MPHOSPH8: variants seen among roughly 807,000 people sequenced by gnomAD.
The protein encoded by MPHOSPH8 is M-phase phosphoprotein 8, also known as M-phase phosphoprotein, mpp.
MPHOSPH8 carries 45 observed loss-of-function variants against 87.3 expected under a neutral mutation model. That is an observed-to-expected ratio of 0.52 (90% CI 0.41 to 0.66). The LOEUF is 0.66. MPHOSPH8 is among the 30% of genes least tolerant of loss of function. The pLI, the probability that MPHOSPH8 is intolerant of heterozygous loss-of-function variation, is 0.00. For missense variants in MPHOSPH8, 883 were observed against 1,020.2 expected, an observed-to-expected ratio of 0.87 and a Z score of 1.83; for synonymous variants, 366 against 376.9, an observed-to-expected ratio of 0.97 and a Z score of 0.33.
chr13:19,658,625 A>C (rs1183537321), intron 5 of MPHOSPH8, among the ~76,000 whole-genome samples: 1 of 152,234 alleles, frequency 6.6e-6, no homozygotes, highest in Non-Finnish European at 1.5e-5. Context: ...GGTTGGAAGC[A>C]GTGTATGTCC....
chr13:19,639,943 A>G (rs965175882), intron 1 of MPHOSPH8, among the ~76,000 whole-genome samples: 1 of 152,098 alleles, frequency 6.6e-6, no homozygotes, highest in African/African-American at 2.4e-5. Context: ...CATCTCTACT[A>G]AACAATACAA....
chr13:19,662,857 G>A (rs1438102317), intron 8 of MPHOSPH8, among the ~76,000 whole-genome samples, 183 bp from the exon 9 acceptor site: 2 of 152,354 alleles, frequency 1.3e-5, no homozygotes, highest in East Asian at 1.9e-4. Context: ...ACAGTGAGTG[G>A]CCACGTTTGG....
chr13:19,642,318 T>C (rs774785889), intron 2 of MPHOSPH8, 48 bp downstream of exon 2: 1 of 1,440,348 alleles, frequency 6.9e-7, no homozygotes, highest in East Asian at 2.6e-5. Context: ...AAATTTATTG[T>C]AAATTTTAAC....
At chr13:19,646,312 TA>T in intron 2 of MPHOSPH8, 130 bp from the exon 3 acceptor site, 1 of 745,146 alleles carries the variant, frequency 1.3e-6, no homozygotes, top group African/African-American at 1.8e-5. Context: ...TCAGCTTAGG[TA>T]AGCAGTTTTA....
At chr13:19,633,982 G>C in intron 1 of MPHOSPH8, 21 bp downstream of exon 1, 1 of 1,590,164 alleles carries the variant, frequency 6.3e-7, no homozygotes, top group Non-Finnish European at 8.6e-7. Flanking sequence ...GGGCCCCGGC[G>C]CGGGGCTGGG....
chr13:19,652,361 C>G (rs746799580), intron 5 of MPHOSPH8, among the ~76,000 whole-genome samples: 2 of 152,160 alleles, frequency 1.3e-5, no homozygotes, highest in Non-Finnish European at 2.9e-5. Flanking sequence ...AAGGGAATCT[C>G]TGAGGGACTG....
chr13:19,634,462 C>T (rs1445272152), intron 1 of MPHOSPH8, among the ~76,000 whole-genome samples: 1 of 152,136 alleles, frequency 6.6e-6, no homozygotes, highest in Admixed American at 6.5e-5. Context: ...TCAGCATCAT[C>T]CCTCTCTCCC....
intron 1 of MPHOSPH8, among the ~76,000 whole-genome samples, chr13:19,640,095 T>TA (rs34181844): frequency 0.12 from 17,751 of 146,532 alleles, 1,161 homozygotes; most frequent in Middle Eastern, 0.21. Flanking sequence ...GACCCTGTCT[T>TA]AAAAAAAAAA....
At chr13:19,634,466 C>T (rs531302035) in intron 1 of MPHOSPH8, among the ~76,000 whole-genome samples, 1 of 152,304 alleles carries the variant, frequency 6.6e-6, no homozygotes, top group African/African-American at 2.4e-5. Flanking sequence ...CATCATCCCT[C>T]TCTCCCCTAT....
At chr13:19,656,892 AG>A (rs2137528149) in intron 5 of MPHOSPH8, among the ~76,000 whole-genome samples, 1 of 147,536 alleles carries the variant, frequency 6.8e-6, no homozygotes, top group Non-Finnish European at 1.5e-5. Flanking sequence ...GAGACTGTGG[AG>A]GGTGGATCAC....
rs1201054038 is a variant in MPHOSPH8, at chr13:19,661,947, T to A, written c.1932+109T>A. The A allele has an allele frequency of 1.2e-5, 9 of 737,448 alleles. No individual in the cohort carries two copies. The Admixed American group carries it at 3.9e-4, about 32-fold the overall frequency. 45.7% of individuals were successfully genotyped at this position (737,448 alleles called of 1,614,324 possible). On this transcript the variant is annotated intron_variant, in intron 8 of 13. Transcript: ENST00000361479. Reference sequence around the variant, plus strand: ...ATAGCAGTCACATGGTCACATCGCTTTTTTTTTTTTTTTAGACGGAGTCTC... The same window carrying A: ...ATAGCAGTCACATGGTCACATCGCTATTTTTTTTTTTTTAGACGGAGTCTC...
At chr13:19,636,467 C>A (rs1232122808) in intron 1 of MPHOSPH8, among the ~76,000 whole-genome samples, 1 of 151,468 alleles carries the variant, frequency 6.6e-6, no homozygotes, top group East Asian at 1.9e-4. Context: ...GAATTAAATT[C>A]TAATAGTGTA....
chr13:19,643,025 C>T (rs753120737), intron 2 of MPHOSPH8, among the ~76,000 whole-genome samples: 23 of 152,166 alleles, frequency 1.5e-4, no homozygotes, highest in Non-Finnish European at 2.4e-4. Flanking sequence ...ACTGGTCTGT[C>T]ATGAGCTTTG....
intron 7 of MPHOSPH8, 64 bp from the exon 8 acceptor site, chr13:19,661,634 G>C (rs1249617969): frequency 6.7e-7 from 1 of 1,483,928 alleles, no homozygotes; most frequent in Non-Finnish European, 9.1e-7. Context: ...CGAGTGAGAA[G>C]ACTTGGTTCT....
intron 5 of MPHOSPH8, among the ~76,000 whole-genome samples, chr13:19,654,754 G>C (rs1206808054): frequency 1.3e-5 from 2 of 152,084 alleles, no homozygotes; most frequent in East Asian, 3.9e-4. Flanking sequence ...TTCGAGACCA[G>C]CCTTACCAAC....
chr13:19,647,862 G>A (rs1382718986), intron 3 of MPHOSPH8, among the ~76,000 whole-genome samples: 1 of 151,954 alleles, frequency 6.6e-6, no homozygotes, highest in East Asian at 1.9e-4. Flanking sequence ...TTTTGGGAAT[G>A]TATTTTAAGG....
At position 19,659,276 on chromosome 13, in the gene MPHOSPH8, A is replaced by G. The variant is rs1875375480; in HGVS notation, c.1778A>G (p.Asn593Ser). ...KVALNSNEEY[N>S]LDQEDSSGMT... ...GCACTTAATTCAAATGAAGAATATA[A>G]CCTGGACCAAGAGGTAATATGTCGT... is the stretch of plus-strand genomic sequence containing the variant. The change falls in exon 7 of 14, where the codon AAC (asparagine) becomes AGC (serine). Residue 593 changes from asparagine (N) to serine (S), a missense_variant. Coordinates refer to ENST00000361479, the MANE Select transcript of MPHOSPH8 (RefSeq NM_017520.4). The G allele has an allele frequency of 1.2e-6, 2 of 1,606,720 alleles. No individual in the cohort carries two copies. The highest frequency in any genetic ancestry group is 1.7e-6 in the Non-Finnish European group (2 of 1,176,560).
Position 19,647,048 on chromosome 13 carries a change from T to C in MPHOSPH8, c.975T>C (p.Asp325=), listed in dbSNP as rs367794686. ...CCATGAGTGCTGAGGAGGATACCGA[T>C]GTCAGAGGCAGGAGGAAAAAGAAGA... is the stretch of plus-strand genomic sequence containing the variant. ...DSAMSAEEDT[D]VRGRRKKKTP... is the part of the protein sequence containing the mutation. The change falls in exon 3 of 14, where the codon GAT becomes GAC. Residue 325 remains aspartate (D), a synonymous_variant. Coordinates refer to ENST00000361479, the MANE Select transcript of MPHOSPH8 (RefSeq NM_017520.4). 8 of 1,606,466 alleles carry C rather than the reference T, an allele frequency of 5.0e-6. No individual in the cohort carries two copies. Among genetic ancestry groups the C allele is most frequent in the Non-Finnish European group, 6.8e-6 (8 of 1,178,120 alleles).
In MPHOSPH8 at chr13:19,672,717, C is replaced by CTT. The variant is rs1876204430; in HGVS notation, c.*843_*844dup. On this transcript the variant is annotated 3_prime_UTR_variant, in exon 14 of 14. Coordinates refer to ENST00000361479, the MANE Select transcript of MPHOSPH8 (RefSeq NM_017520.4). ...TCACTTTGTAAATATGCTGTAGTCA[C>CTT]TTATCATCTTTTCAAAGGGTAACAA... 1 of 163,798 alleles carries CTT rather than the reference C, an allele frequency of 6.1e-6. No homozygotes were observed. Among genetic ancestry groups the CTT allele is most frequent in the Admixed American group, 5.9e-5 (1 of 17,086 alleles). 10.1% of individuals were successfully genotyped at this position (163,798 alleles called of 1,614,324 possible).
Sources: allele counts gnomAD v4.1 joint callset (sites outside exome capture counted in the v4.1 genomes callset), GRCh38; gene constraint gnomAD v4.1.1; transcripts MANE v1.5; gene names NCBI Gene and HGNC (gene_info 2026-07-23, HGNC 2026-07-21).